The following NADK2 variants were observed in gnomAD, a reference collection of about 807,000 sequenced individuals.
The protein encoded by NADK2 is NAD kinase 2, mitochondrial, also known as NAD kinase domain-containing protein 1, mitochondrial.
Under a neutral mutation model 62.1 loss-of-function variants are expected in NADK2, and 35 were observed. The observed-to-expected ratio is 0.56, with a 90% CI of 0.43 to 0.75. The LOEUF is 0.75. Among genes scored for constraint, NADK2 ranks in the 30% least tolerant of loss-of-function variants. The probability of loss-of-function intolerance (pLI) is 0.00; values close to 1 mark genes in which losing one functional copy is unlikely to be tolerated. For synonymous variants in NADK2, 205 were observed against 207.9 expected (o/e 0.99, Z 0.12); for missense variants, 439 against 561.3 (o/e 0.78, Z 2.20).
chr5:36,226,275 A>C (rs183804304), intron 3 of NADK2, among the ~76,000 whole-genome samples, 200 bp downstream of exon 3: 256 of 152,334 alleles, frequency 1.7e-3, no homozygotes, highest in African/African-American at 6.0e-3. Context: ...AATATGCACA[A>C]GGAACCTCAT....
chr5:36,201,223 G>T, intron 8 of NADK2, 62 bp from the exon 9 acceptor site: 1 of 1,423,410 alleles, frequency 7.0e-7, no homozygotes, highest in Non-Finnish European at 9.8e-7. Context: ...AAATCAAAAA[G>T]GAATAACCTA....
At position 36,195,076 on chromosome 5, in the gene NADK2, G is replaced by C; in HGVS notation, c.*68C>G. ...CAATAACCAAAAAATGTCACTTTAC[G>C]ACTGGTAGTCTGTTTCTGAAGTAAA... is the stretch of plus-strand genomic sequence containing the variant. On this transcript the variant is annotated 3_prime_UTR_variant, in exon 12 of 12. Transcript: ENST00000381937. 1 of 1,522,868 alleles carries C rather than the reference G, an allele frequency of 6.6e-7. No individual in the cohort carries two copies. Among genetic ancestry groups the C allele is most frequent in the Non-Finnish European group, 8.8e-7 (1 of 1,132,766 alleles). 94.3% of individuals were successfully genotyped at this position (1,522,868 alleles called of 1,614,324 possible). A position where few individuals can be genotyped will look rare whatever the true frequency, so the allele number is the denominator to read the frequency against.
At position 36,241,815 on chromosome 5, in the gene NADK2, G is replaced by A. The variant is rs1437092719; in HGVS notation, c.-17C>T. On this transcript the variant is annotated 5_prime_UTR_variant, in exon 1 of 12. Coordinates refer to ENST00000381937, the MANE Select transcript of NADK2 (RefSeq NM_001085411.3). This position sits in a 1 kb window ranked among gnomAD's most constrained non-coding sequence, Gnocchi z 4.9. ...GCAAGTCATCGTGGGCCGGGCCGCG[G>A]CCGCGGGCTTGGGCTCGGGCCCCTT... The A allele has an allele frequency of 7.7e-7, 1 of 1,306,024 alleles. No individual in the cohort carries two copies. Among genetic ancestry groups the A allele is most frequent in the South Asian group, 2.0e-5 (1 of 50,580 alleles). The allele number at this position is 1,306,024 out of a possible 1,614,324, so 80.9% of individuals were successfully genotyped here.
At chr5:36,196,567 G>T (rs1347987811) in intron 11 of NADK2, among the ~76,000 whole-genome samples, 2 of 151,830 alleles carry the variant, frequency 1.3e-5, no homozygotes, top group African/African-American at 4.8e-5. Flanking sequence ...TATCTTTCTC[G>T]CTCTGCCTTT....
rs771541622 is a variant in NADK2, at chr5:36,224,462, CAGA to C, written c.560+1077_560+1079del. Among the ~76,000 whole-genome samples, 32 of 150,472 alleles carry C rather than the reference CAGA, an allele frequency of 2.1e-4. 1 individual carries two copies. In the East Asian group the frequency reaches 4.5e-3, roughly 21 times the overall value. ...GTCCCAGCCACTCAGGAGGCTGAGG[CAGA>C]AGAATTGCTTGAACCCAGGAGGCAG... On this transcript the variant is annotated intron_variant, in intron 4 of 11. Coordinates refer to ENST00000381937, the MANE Select transcript of NADK2 (RefSeq NM_001085411.3).
intron 6 of NADK2, 79 bp downstream of exon 6, chr5:36,217,669 A>G: frequency 6.4e-7 from 1 of 1,570,718 alleles, no homozygotes; most frequent in Non-Finnish European, 8.7e-7. Flanking sequence ...CAAGTAAATT[A>G]TTACATCAAA....
At chr5:36,211,726 A>C in intron 7 of NADK2, 118 bp downstream of exon 7, 1 of 767,284 alleles carries the variant, frequency 1.3e-6, no homozygotes, top group Non-Finnish European at 2.2e-6. Context: ...TAAATAATGA[A>C]CTGCCATTAC....
chr5:36,197,746 C>T, intron 10 of NADK2, 82 bp from the exon 11 acceptor site: 3 of 1,181,404 alleles, frequency 2.5e-6, no homozygotes, highest in Non-Finnish European at 3.4e-6. Flanking sequence ...ATGCCATCCC[C>T]CATTTAAATT....
At position 36,228,678 on chromosome 5, in the gene NADK2, G is replaced by A. The variant is rs531047660; in HGVS notation, c.301-1113C>T. Among the ~76,000 whole-genome samples, 40 of 151,486 alleles carry A rather than the reference G, an allele frequency of 2.6e-4. No homozygotes were observed. The Middle Eastern group carries it at 0.01, about 39-fold the overall frequency. ...CTGTTGCCCAGGCCGGGGTGTGGTA[G>A]TGTGATCTCAGCTTACTGCAACCTC... On this transcript the variant is annotated intron_variant, in intron 1 of 11. Transcript: ENST00000381937.
chr5:36,238,572 A>G (rs1304397810), intron 1 of NADK2, among the ~76,000 whole-genome samples: 1 of 152,214 alleles, frequency 6.6e-6, no homozygotes, highest in African/African-American at 2.4e-5. Context: ...TCTGGTGTCA[A>G]AATCCTTTCC....
intron 5 of NADK2, among the ~76,000 whole-genome samples, chr5:36,218,831 AC>A (rs2112135795): frequency 6.6e-6 from 1 of 152,328 alleles, no homozygotes; most frequent in South Asian, 2.1e-4. Flanking sequence ...TGAGACAGAT[AC>A]CAGGAATCTC....
intron 6 of NADK2, among the ~76,000 whole-genome samples, 183 bp from the exon 7 acceptor site, chr5:36,212,105 C>T (rs1262286698): frequency 1.3e-5 from 2 of 152,108 alleles, no homozygotes; most frequent in South Asian, 4.2e-4. Context: ...CTTAAAGGAA[C>T]CTAAACTTAC....
intron 4 of NADK2, among the ~76,000 whole-genome samples, chr5:36,220,003 A>T (rs993487327): frequency 6.6e-6 from 1 of 152,206 alleles, no homozygotes; most frequent in African/African-American, 2.4e-5. Flanking sequence ...AGTGTTGTTC[A>T]AATCATTATT....
intron 1 of NADK2, among the ~76,000 whole-genome samples, chr5:36,239,547 T>C (rs926581477): frequency 6.6e-6 from 1 of 152,228 alleles, no homozygotes; most frequent in Non-Finnish European, 1.5e-5. Context: ...AATATTTACC[T>C]ATTAGAGATT....
At chr5:36,211,555 A>AG (rs1479247266) in intron 7 of NADK2, among the ~76,000 whole-genome samples, 7 of 3,196 alleles carry the variant, frequency 2.2e-3, no homozygotes, top group African/African-American at 6.0e-3. Flanking sequence ...ACTCAGTCTC[A>AG]AAAAAAAAAA....
chr5:36,235,579 G>A (rs1438574587), intron 1 of NADK2, among the ~76,000 whole-genome samples: 1 of 152,126 alleles, frequency 6.6e-6, no homozygotes, highest in African/African-American at 2.4e-5. Context: ...CTGATCTTCT[G>A]CTGTTAAAGC....
chr5:36,197,112 T>C (rs548940610), intron 11 of NADK2, among the ~76,000 whole-genome samples: 8 of 152,198 alleles, frequency 5.3e-5, no homozygotes, highest in Non-Finnish European at 8.8e-5. Context: ...GAGGTCACTT[T>C]TAGGGAAAAC....
chr5:36,203,867 G>A (rs1009956098), intron 8 of NADK2, among the ~76,000 whole-genome samples: 1 of 152,044 alleles, frequency 6.6e-6, no homozygotes, highest in Non-Finnish European at 1.5e-5. Flanking sequence ...TCAGTACAAC[G>A]TAGTGACTTT....
rs1374694909 is a variant in NADK2 at position 36,200,348 on chromosome 5, G to GA, written c.1013-69dup. On this transcript the variant is annotated intron_variant, in intron 9 of 11. Coordinates refer to ENST00000381937, the MANE Select transcript of NADK2 (RefSeq NM_001085411.3). ...TATATCTTATATATATATTTTCCTT[G>GA]AAAAAGGGGGAAAAATGCTTAAAGT... 3 of 923,372 alleles carry GA rather than the reference G, an allele frequency of 3.2e-6. No homozygotes were observed. The Admixed American group carries it at 9.6e-5, about 30-fold the overall frequency. 57.2% of individuals were successfully genotyped at this position (923,372 alleles called of 1,614,324 possible).
Sources: allele counts gnomAD v4.1 joint callset (sites outside exome capture counted in the v4.1 genomes callset), GRCh38; gene constraint gnomAD v4.1.1; non-coding constraint Gnocchi (gnomAD v3.1); transcripts MANE v1.5; gene names NCBI Gene and HGNC (gene_info 2026-07-23, HGNC 2026-07-21).